Variants in INTU observed in about 807,000 individuals in gnomAD.
The protein encoded by INTU is inturned planar cell polarity protein, also known as protein inturned.
A neutral mutation model predicts 100.5 loss-of-function variants in INTU; 68 were observed. That is an observed-to-expected ratio of 0.68 (90% CI 0.56 to 0.83). The LOEUF (loss-of-function observed/expected upper bound fraction) is 0.83. Among genes scored for constraint, INTU ranks in the 40% least tolerant of loss-of-function variants. The pLI, the probability that INTU is intolerant of heterozygous loss-of-function variation, is 0.00. For missense variants in INTU, 1,071 were observed against 1,114.7 expected (o/e 0.96, Z 0.56); for synonymous variants, 357 against 395.7 (o/e 0.90, Z 1.16).
chr4:127,656,111 C>T (rs564142153), intron 2 of INTU, among the ~76,000 whole-genome samples: 12 of 152,282 alleles, frequency 7.9e-5, no homozygotes, highest in Admixed American at 2.6e-4. Flanking sequence ...CACTGACCTA[C>T]GCCCACTGTC....
intron 7 of INTU, 173 bp from the exon 8 acceptor site, chr4:127,687,505 T>C: frequency 2.1e-6 from 1 of 487,488 alleles, no homozygotes; most frequent in Admixed American, 3.5e-5. Flanking sequence ...TTGGACAGGG[T>C]AAATTTCTTT....
chr4:127,665,560 T>C (rs1728661156), intron 4 of INTU, among the ~76,000 whole-genome samples: 1 of 152,172 alleles, frequency 6.6e-6, no homozygotes, highest in African/African-American at 2.4e-5. Flanking sequence ...GGTAGGCTAC[T>C]TGCTATAACA....
chr4:127,685,290 A>G (rs1297422435), intron 7 of INTU, among the ~76,000 whole-genome samples: 1 of 152,014 alleles, frequency 6.6e-6, no homozygotes, highest in African/African-American at 2.4e-5. Context: ...TTGTTCTTGT[A>G]TTTCTGAGGG....
chr4:127,656,197 C>G (rs1006994651), intron 2 of INTU, among the ~76,000 whole-genome samples: 1 of 152,188 alleles, frequency 6.6e-6, no homozygotes, highest in Non-Finnish European at 1.5e-5. Context: ...GTCGCTCACA[C>G]TGGGAGCTGT....
intron 3 of INTU, among the ~76,000 whole-genome samples, chr4:127,657,200 G>A (rs1008723532): frequency 6.6e-6 from 1 of 151,720 alleles, no homozygotes; most frequent in African/African-American, 2.4e-5. Flanking sequence ...CTTTTGTTTG[G>A]CTACTTAAGG....
Position 127,643,786 on chromosome 4 carries a change from C to T in INTU, c.412C>T (p.Pro138Ser), listed in dbSNP as rs751047941. The T allele has an allele frequency of 9.9e-6, 16 of 1,613,970 alleles. No homozygotes were observed. The highest frequency in any genetic ancestry group is 1.4e-5 in the Non-Finnish European group (16 of 1,180,008). ...CNKKNSNDNG[P>S]VSILKHQSNQ... ...TAAAAAAAATAGCAATGACAATGGA[C>T]CAGTATCCATTCTAAAGCATCAGTC... The change falls in exon 2 of 16, where the codon CCA (proline) becomes TCA (serine). Residue 138 changes from proline (P) to serine (S), a missense_variant. Physicochemically the swap from Pro to Ser is moderately conservative, Grantham distance 74. Transcript: ENST00000335251.
intron 1 of INTU, among the ~76,000 whole-genome samples, chr4:127,636,275 A>G (rs917609928): frequency 4.0e-5 from 6 of 151,846 alleles, no homozygotes; most frequent in South Asian, 2.1e-4. Context: ...TGAAGAAAAA[A>G]AAAGTTCTTT....
chr4:127,635,881 A>T (rs1296577576), intron 1 of INTU, among the ~76,000 whole-genome samples: 4 of 152,186 alleles, frequency 2.6e-5, no homozygotes. Context: ...TTTCATAAAG[A>T]TGGAATTGTG....
chr4:127,638,573 C>T (rs911187321), intron 1 of INTU, among the ~76,000 whole-genome samples: 4 of 152,032 alleles, frequency 2.6e-5, no homozygotes, highest in Admixed American at 1.3e-4. Flanking sequence ...TTTTTGAATA[C>T]GTCAGGAATG....
intron 13 of INTU, among the ~76,000 whole-genome samples, chr4:127,709,723 A>ACT (rs1304601931): frequency 6.6e-6 from 1 of 151,734 alleles, no homozygotes; most frequent in Non-Finnish European, 1.5e-5. Context: ...ACACACACAC[A>ACT]CACACACACA....
At chr4:127,698,329 G>A (rs6823957) in intron 8 of INTU, among the ~76,000 whole-genome samples, 68,007 of 151,526 alleles carry the variant, frequency 0.45, 16,013 homozygotes, top group Middle Eastern at 0.66. Context: ...AGGCGTGGTG[G>A]CGGGCGCCTG....
chr4:127,686,610 C>T (rs1407719827), intron 7 of INTU: 2 of 152,172 alleles, frequency 1.3e-5, no homozygotes, highest in Non-Finnish European at 2.9e-5. Flanking sequence ...AGCTCAAATG[C>T]CCTTTCTCAG....
At chr4:127,647,258 A>G (rs1211827103) in intron 2 of INTU, among the ~76,000 whole-genome samples, 2 of 152,240 alleles carry the variant, frequency 1.3e-5, no homozygotes, top group South Asian at 2.1e-4. Flanking sequence ...ATCATCTTGC[A>G]ATAATGTAAG....
intron 6 of INTU, among the ~76,000 whole-genome samples, chr4:127,677,415 C>T (rs1466966522): frequency 2.7e-5 from 4 of 150,628 alleles, no homozygotes; most frequent in Non-Finnish European, 5.9e-5. Flanking sequence ...TCCAGAGGAA[C>T]GATCAGACAG....
chr4:127,696,262 A>G (rs1042480731), intron 8 of INTU, among the ~76,000 whole-genome samples: 3 of 152,186 alleles, frequency 2.0e-5, no homozygotes, highest in African/African-American at 7.2e-5. Flanking sequence ...AAGAAATTAG[A>G]GAGAATTGGT....
chr4:127,719,934 CT>C lies in INTU; in HGVS notation c.*3499del, dbSNP rs1045344127. On this transcript the variant is annotated 3_prime_UTR_variant, in exon 16 of 16. Transcript: ENST00000335251. ...TAATATTTTCAAAAAAAAGCAGCCC[CT>C]GGATTCATTTATTTTTTGAAGGGTT... The C allele has an allele frequency of 1.3e-5, 2 of 152,026 alleles. No homozygotes were observed. The highest frequency in any genetic ancestry group is 4.8e-5 in the African/African-American group (2 of 41,384). The allele number at this position is 152,026 out of a possible 1,614,324, so 9.4% of individuals were successfully genotyped here.
At chr4:127,657,622 G>T (rs1030493651) in intron 3 of INTU, among the ~76,000 whole-genome samples, 1 of 152,046 alleles carries the variant, frequency 6.6e-6, no homozygotes, top group African/African-American at 2.4e-5. Flanking sequence ...TAGATCAGGG[G>T]TGGCATTAGA....
At chr4:127,634,031 T>G (rs544035598) in intron 1 of INTU, among the ~76,000 whole-genome samples, 1 of 152,276 alleles carries the variant, frequency 6.6e-6, no homozygotes, top group East Asian at 1.9e-4. Context: ...GGATGACATT[T>G]TATGTGTATT....
chr4:127,691,536 G>A (rs1730124684), intron 8 of INTU, among the ~76,000 whole-genome samples: 1 of 152,026 alleles, frequency 6.6e-6, no homozygotes, highest in African/African-American at 2.4e-5. Context: ...ATCTTTTCAT[G>A]TGCTTATTTG....
Sources: gnomAD v4.1 joint callset for allele counts (sites outside exome capture counted in the v4.1 genomes callset) on GRCh38, gnomAD v4.1.1 for gene constraint, MANE v1.5 for transcripts, NCBI Gene and HGNC (gene_info 2026-07-23, HGNC 2026-07-21) for gene names.